BIN2: variants seen among roughly 807,000 people sequenced by gnomAD.
The protein encoded by BIN2 is bridging integrator 2.
Under a neutral mutation model 67.9 loss-of-function variants are expected in BIN2, and 43 were observed. That is an observed-to-expected ratio of 0.63 (90% CI 0.50 to 0.82). The LOEUF (loss-of-function observed/expected upper bound fraction) is 0.82, where lower values mean the gene tolerates loss of function less well. Ranked by LOEUF, BIN2 falls within the 40% of genes least tolerant of loss-of-function variation. The pLI, the probability that BIN2 is intolerant of heterozygous loss-of-function variation, is 0.00. For missense variants in BIN2, 581 were observed against 671.6 expected, an observed-to-expected ratio of 0.87 and a Z score of 1.49; for synonymous variants, 244 against 246.8, an observed-to-expected ratio of 0.99 and a Z score of 0.11.
chr12:51,288,242 G>A, intron 10 of BIN2, 54 bp from the exon 11 acceptor site: 3 of 1,471,986 alleles, frequency 2.0e-6, no homozygotes, highest in South Asian at 2.3e-5. Context: ...CCACCTGGGG[G>A]CCATCCCTGT....
At chr12:51,323,519 C>G (rs974034813) in intron 1 of BIN2, among the ~76,000 whole-genome samples, 25 of 152,148 alleles carry the variant, frequency 1.6e-4, no homozygotes, top group African/African-American at 6.0e-4. Context: ...AGAGGCCAGG[C>G]AGGGTCAGGT....
At position 51,324,057 on chromosome 12, in the gene BIN2, G is replaced by A. The variant is rs1275567065; in HGVS notation, c.46C>T (p.Gln16Ter). The A allele has an allele frequency of 1.2e-6, 2 of 1,613,598 alleles. No individual in the cohort carries two copies. Among genetic ancestry groups the A allele is most frequent in the Admixed American group, 1.7e-5 (1 of 60,006 alleles). The change falls in exon 1 of 13, where the codon CAG (glutamine) becomes TAG (stop). Residue 16 changes from glutamine (Q) to a stop codon, truncating the protein, a stop_gained. Transcript: ENST00000615107. LOFTEE classifies it high-confidence loss of function. ...GCCCTGCTAAACTTCTTCTGCACCTGCTTGGCGAAGAGGCCGGCCGCGCCG... is the reference window on the plus strand; with the variant it reads ...GCCCTGCTAAACTTCTTCTGCACCTACTTGGCGAAGAGGCCGGCCGCGCCG... ...AGGAAGLFAKQVQKKFSRAQE... is the reference protein window; with the variant it reads ...AGGAAGLFAK
rs1275972590 is a variant in BIN2 at position 51,289,628 on chromosome 12, G to GA, written c.1516-1441dup. Among the ~76,000 whole-genome samples, 3 of 151,102 alleles carry GA rather than the reference G, an allele frequency of 2.0e-5. No homozygotes were observed. In the East Asian group the frequency reaches 5.8e-4, roughly 29 times the overall value. ...GAGACCCTGTCTCAAAAGAAAGAAAGAAAAAAAAGAGTATGACTTGATTTA... is the reference window on the plus strand; with the variant it reads ...GAGACCCTGTCTCAAAAGAAAGAAAGAAAAAAAAAGAGTATGACTTGATTTA... On this transcript the variant is annotated intron_variant, in intron 10 of 12. Coordinates refer to ENST00000615107, the MANE Select transcript of BIN2 (RefSeq NM_016293.4).
chr12:51,296,129 A>G (rs1945561074), intron 8 of BIN2, among the ~76,000 whole-genome samples: 1 of 151,958 alleles, frequency 6.6e-6, no homozygotes, highest in Non-Finnish European at 1.5e-5. Flanking sequence ...AGGGTCCATA[A>G]CTGATGTCTG....
intron 7 of BIN2, among the ~76,000 whole-genome samples, chr12:51,297,726 G>T (rs1234884921): frequency 2.0e-5 from 3 of 152,228 alleles, no homozygotes; most frequent in African/African-American, 4.8e-5. Context: ...ACAGTTTCAT[G>T]GAGTTATCTG....
intron 10 of BIN2, among the ~76,000 whole-genome samples, chr12:51,290,920 G>A (rs542718666): frequency 1.8e-4 from 27 of 146,880 alleles, no homozygotes; most frequent in South Asian, 2.2e-4. Flanking sequence ...GCGACAGAGC[G>A]AGACTCCGTC....
At chr12:51,312,410 CAT>C (rs1946018469) in intron 2 of BIN2, among the ~76,000 whole-genome samples, 1 of 152,158 alleles carries the variant, frequency 6.6e-6, no homozygotes, top group African/African-American at 2.4e-5. Flanking sequence ...CCTTTGAAAA[CAT>C]GTGTCTTCCT....
chr12:51,302,802 C>T (rs771335351), intron 3 of BIN2, 22 bp from the exon 4 acceptor site: 4 of 1,577,130 alleles, frequency 2.5e-6, no homozygotes, highest in African/African-American at 2.7e-5. Context: ...GAATTCAGTC[C>T]CACCATCATG....
chr12:51,284,125 A>T (rs771191988), intron 12 of BIN2, among the ~76,000 whole-genome samples: 21 of 152,224 alleles, frequency 1.4e-4, no homozygotes, highest in Admixed American at 2.6e-4. Flanking sequence ...TGACTCACCC[A>T]GAGAAGCTTC....
At chr12:51,287,328 G>T (rs923463786) in intron 11 of BIN2, among the ~76,000 whole-genome samples, 9 of 145,602 alleles carry the variant, frequency 6.2e-5, no homozygotes, top group Non-Finnish European at 1.1e-4. Flanking sequence ...AGGAAAAGTT[G>T]TTTTTTTTTG....
At position 51,292,353 on chromosome 12, in the gene BIN2, G is replaced by A; in HGVS notation, c.762-9C>T. 6.4e-7 allele frequency: 1 copy of A among 1,559,982 alleles called. No homozygotes were observed. Among genetic ancestry groups the A allele is most frequent in the South Asian group, 1.2e-5 (1 of 86,452 alleles). On this transcript the variant is annotated splice_polypyrimidine_tract_variant and intron_variant, in intron 9 of 12. Transcript: ENST00000615107. The stretch of plus-strand genomic sequence containing the variant: ...AAGAGCGCCTGCTGCTGCTAAAAAA[G>A]GAAGGTGTTCAGATTCAGAACGGCT...
intron 1 of BIN2, among the ~76,000 whole-genome samples, chr12:51,314,224 T>G (rs906824496): frequency 7.2e-5 from 11 of 151,768 alleles, no homozygotes; most frequent in African/African-American, 2.7e-4. Flanking sequence ...ATTTTTGTAT[T>G]TTTAGTAGAG....
chr12:51,282,260 A>AT (rs1945134792), intron 12 of BIN2, among the ~76,000 whole-genome samples: 1 of 56,856 alleles, frequency 1.8e-5, no homozygotes, highest in South Asian at 1.2e-3. Context: ...ATGTTAATAT[A>AT]ATAAACATAT....
At chr12:51,296,441 G>A (rs912452319) in intron 8 of BIN2, among the ~76,000 whole-genome samples, 1 of 151,254 alleles carries the variant, frequency 6.6e-6, no homozygotes, top group Non-Finnish European at 1.5e-5. Flanking sequence ...AGCTTGCAGT[G>A]AGCAGAGATT....
At chr12:51,319,812 C>T (rs1946220522) in intron 1 of BIN2, among the ~76,000 whole-genome samples, 1 of 152,034 alleles carries the variant, frequency 6.6e-6, no homozygotes, top group African/African-American at 2.4e-5. Context: ...CTACCATTGC[C>T]TCTCCCATAA....
At chr12:51,292,377 C>A in intron 9 of BIN2, 33 bp from the exon 10 acceptor site, 2 of 1,516,824 alleles carry the variant, frequency 1.3e-6, no homozygotes, top group Non-Finnish European at 1.8e-6. Context: ...TTCAGAACGG[C>A]TAAAAACCAG....
chr12:51,293,630 G>A (rs941979997), intron 9 of BIN2, among the ~76,000 whole-genome samples: 1 of 152,062 alleles, frequency 6.6e-6, no homozygotes, highest in African/African-American at 2.4e-5. Flanking sequence ...TACATAGATC[G>A]ATTTTTTTAA....
intron 2 of BIN2, among the ~76,000 whole-genome samples, chr12:51,307,282 C>CAAAAAAAAAA (rs11348350): frequency 9.8e-6 from 1 of 101,582 alleles, no homozygotes; most frequent in Non-Finnish European, 2.1e-5. Context: ...GACTCTGACT[C>CAAAAAAAAAA]AAAAAAAAAA....
chr12:51,296,992 C>T (rs1237715813), intron 8 of BIN2, 97 bp downstream of exon 8: 2 of 1,136,162 alleles, frequency 1.8e-6, no homozygotes, highest in East Asian at 4.8e-5. Context: ...ATCTGTGGTG[C>T]CAATACGGAT....
Sources: gnomAD v4.1 joint callset for allele counts (sites outside exome capture counted in the v4.1 genomes callset) on GRCh38, gnomAD v4.1.1 for gene constraint, MANE v1.5 for transcripts, NCBI Gene and HGNC (gene_info 2026-07-23, HGNC 2026-07-21) for gene names.